CENPU: variants seen among roughly 807,000 people sequenced by gnomAD.
CENPU encodes the protein centromere protein U, also known as KSHV latent nuclear antigen interacting protein 1.
CENPU carries 46 observed loss-of-function variants against 56.7 expected under a neutral mutation model. That is an observed-to-expected ratio of 0.81 (90% CI 0.64 to 1.04). The LOEUF (loss-of-function observed/expected upper bound fraction) is 1.04. CENPU is among the 50% of genes least tolerant of loss of function. The pLI is 0.00. For synonymous variants in CENPU, 166 were observed against 163.0 expected (o/e 1.02, Z -0.14); for missense variants, 510 against 490.1 (o/e 1.04, Z -0.38).
Position 184,728,170 on chromosome 4 carries a change from T to C in CENPU, c.214+748A>G, listed in dbSNP as rs77684182. On this transcript the variant is annotated intron_variant, in intron 3 of 12. Transcript: ENST00000281453. ...TTCCATTTTTAAAATTATGGGGTTT[T>C]AGGTTCAGATCTTTTAGATTTAGAT... Among the ~76,000 whole-genome samples, 330 of 152,346 alleles carry C rather than the reference T, an allele frequency of 2.2e-3. 2 individuals are homozygous for C. Among genetic ancestry groups the C allele is most frequent in the African/African-American group, 7.5e-3 (311 of 41,584 alleles).
chr4:184,699,407 C>T lies in CENPU; in HGVS notation c.986+1413G>A, dbSNP rs549202551. Among the ~76,000 whole-genome samples, 173 of 152,312 alleles carry T rather than the reference C, an allele frequency of 1.1e-3. 2 individuals carry two copies. The highest frequency in any genetic ancestry group is 2.2e-3 in the Non-Finnish European group (150 of 68,028). ...CACCGAAGACAAGTGTAACCAGGCA[C>T]GGCCTGACTGTAGCTATAACCACTT... On this transcript the variant is annotated intron_variant, in intron 11 of 12. Transcript: ENST00000281453.
At chr4:184,731,048 C>G in intron 1 of CENPU, 80 bp from the exon 2 acceptor site, 1 of 881,462 alleles carries the variant, frequency 1.1e-6, no homozygotes, top group Non-Finnish European at 1.6e-6. Context: ...ACCCTTTCCG[C>G]GCATTTTTAC....
At chr4:184,695,909 CAATT>C (rs1340488007) in intron 12 of CENPU, among the ~76,000 whole-genome samples, 1 of 152,130 alleles carries the variant, frequency 6.6e-6, no homozygotes, top group Non-Finnish European at 1.5e-5. Context: ...TTGGGAGAAT[CAATT>C]AAATGTCTCA....
rs1324040981 is a variant in CENPU, at chr4:184,710,127, T to C, written c.742A>G (p.Ile248Val). The C allele has an allele frequency of 6.2e-7, 1 of 1,611,888 alleles. No individual in the cohort carries two copies. The highest frequency in any genetic ancestry group is 1.3e-5 in the African/African-American group (1 of 74,900). ...GGCAAAACAATATTCAACTCCTTGA[T>C]GTCACTGGTTTTCATTCCTTCTGGA... ...WCPEGMKTSDIKELNIVLPEF... is the reference protein window; with the variant it reads ...WCPEGMKTSDVKELNIVLPEF... The change falls in exon 8 of 13, where the codon ATC becomes GTC. Residue 248 changes from isoleucine (I) to valine (V), a missense_variant. Ile to Val is a conservative substitution (Grantham distance 29). Coordinates refer to ENST00000281453, the MANE Select transcript of CENPU (RefSeq NM_024629.4).
intron 7 of CENPU, among the ~76,000 whole-genome samples, chr4:184,711,961 A>G (rs931225565): frequency 6.6e-6 from 1 of 152,034 alleles, no homozygotes; most frequent in Non-Finnish European, 1.5e-5. Flanking sequence ...TCTCTACTAA[A>G]ATACAAAAAA....
chr4:184,717,043 A>G, intron 5 of CENPU, 93 bp downstream of exon 5: 1 of 790,580 alleles, frequency 1.3e-6, no homozygotes. Flanking sequence ...CAATCTAAAG[A>G]GGAAATGAAA....
chr4:184,697,865 T>G lies in CENPU; in HGVS notation c.987-62A>C, dbSNP rs535254403. On this transcript the variant is annotated intron_variant, in intron 11 of 12. Coordinates refer to ENST00000281453, the MANE Select transcript of CENPU (RefSeq NM_024629.4). ...CAGCCTATCGTGGTGAAACTGAGGT[T>G]GTAAGTACGCTGAGCGAGTGTGAAG... is the stretch of plus-strand genomic sequence containing the variant. 2.1e-5 allele frequency: 28 copies of G among 1,352,042 alleles called. No homozygotes were observed. In the East Asian group the frequency reaches 2.1e-4, roughly 10 times the overall value. The allele number at this position is 1,352,042 out of a possible 1,614,324, so 83.8% of individuals were successfully genotyped here.
chr4:184,710,857 T>G (rs1429223359), intron 7 of CENPU, among the ~76,000 whole-genome samples: 4 of 152,120 alleles, frequency 2.6e-5, no homozygotes, highest in African/African-American at 9.7e-5. Context: ...TTTTTTTTCT[T>G]AGAAAAATTT....
chr4:184,707,449 A>G (rs1037065196), intron 8 of CENPU, among the ~76,000 whole-genome samples: 2 of 152,088 alleles, frequency 1.3e-5, no homozygotes, highest in African/African-American at 4.8e-5. Flanking sequence ...GGGCCTAGAG[A>G]AAAACATGGG....
At position 184,723,199 on chromosome 4, in the gene CENPU, T is replaced by C. The variant is rs769945011; in HGVS notation, c.320+1758A>G. The stretch of plus-strand genomic sequence containing the variant: ...TGAGAAAGCTCCATGTGTATTGATA[T>C]GTAAAGATCTCTAAGATGTAGTAAG... On this transcript the variant is annotated intron_variant, in intron 4 of 12. Transcript: ENST00000281453. Among the ~76,000 whole-genome samples, 32 of 152,160 alleles carry C rather than the reference T, an allele frequency of 2.1e-4. 1 individual carries two copies. Among genetic ancestry groups the C allele is most frequent in the Non-Finnish European group, 4.1e-4 (28 of 68,042 alleles).
intron 6 of CENPU, among the ~76,000 whole-genome samples, chr4:184,713,313 C>T (rs928178525): frequency 1.1e-4 from 17 of 152,162 alleles, no homozygotes; most frequent in Non-Finnish European, 4.4e-5. Flanking sequence ...ATTGCTTGAA[C>T]CTGGCGGGAA....
intron 11 of CENPU, chr4:184,699,442 G>A: frequency 1.8e-6 from 1 of 558,444 alleles, no homozygotes; most frequent in Non-Finnish European, 3.0e-6. Context: ...TATCTCATAG[G>A]ACTGTGATGA....
At chr4:184,733,933 C>A in intron 1 of CENPU, 83 bp downstream of exon 1, 1 of 1,584,802 alleles carries the variant, frequency 6.3e-7, no homozygotes, top group South Asian at 1.1e-5. Context: ...ACCAACAGCG[C>A]CGGGAGGCGC....
rs756831202 is a variant in CENPU, at chr4:184,733,996, C to T, written c.47+20G>A. On this transcript the variant is annotated intron_variant, in intron 1 of 12. Transcript: ENST00000281453. ...AAGCTGGTCTCCGGCCCCGCGCTCC[C>T]GAGGGTCGGCAGTACTTACCCCTCA... The T allele has an allele frequency of 1.9e-6, 3 of 1,610,288 alleles. No homozygotes were observed. The highest frequency in any genetic ancestry group is 2.5e-6 in the Non-Finnish European group (3 of 1,179,020).
In CENPU at chr4:184,716,284, T is replaced by C; in HGVS notation, c.618+113A>G. The C allele has an allele frequency of 8.3e-6, 6 of 720,884 alleles. No homozygotes were observed. The South Asian group carries it at 9.6e-5, about 11-fold the overall frequency. The allele number at this position is 720,884 out of a possible 1,614,324, so 44.7% of individuals were successfully genotyped here. On this transcript the variant is annotated intron_variant, in intron 6 of 12. Transcript: ENST00000281453. Reference sequence around the variant, plus strand: ...AACATCTTTATTACATTAAGGAAAATATAAAATTTATCTTTGAAAAGATCT... The same window carrying C: ...AACATCTTTATTACATTAAGGAAAACATAAAATTTATCTTTGAAAAGATCT...
At chr4:184,711,775 C>T (rs1760932668) in intron 7 of CENPU, among the ~76,000 whole-genome samples, 1 of 152,104 alleles carries the variant, frequency 6.6e-6, no homozygotes, top group Admixed American at 6.6e-5. Flanking sequence ...AATTTCACTC[C>T]TTTTCATTTA....
chr4:184,733,536 C>A, intron 1 of CENPU: 1 of 417,868 alleles, frequency 2.4e-6, no homozygotes, highest in Non-Finnish European at 3.3e-6. Flanking sequence ...TCCTGGAGAA[C>A]CGCAAGCGGC....
intron 1 of CENPU, among the ~76,000 whole-genome samples, chr4:184,732,626 A>G (rs867261477): frequency 1.9e-3 from 249 of 130,622 alleles, no homozygotes; most frequent in South Asian, 2.7e-3. Flanking sequence ...CTTGGGGGGG[A>G]AAAAAAGTCA....
chr4:184,697,791 C>T lies in CENPU; in HGVS notation c.999G>A (p.Gln333=), dbSNP rs761667711. 2.5e-6 allele frequency: 4 copies of T among 1,604,436 alleles called. No homozygotes were observed. The highest frequency in any genetic ancestry group is 3.4e-6 in the Non-Finnish European group (4 of 1,177,834). Residue 333 remains glutamine, a synonymous_variant, in exon 12 of 13, where the codon CAG becomes CAA. Transcript: ENST00000281453. The part of the protein sequence containing the change: ...VQDELLRLEP[Q]LKQLQTKYDE... ...CATATTTTGTTTGTAGTTGTTTCAG[C>T]TGTGGCTCTAACCTAAAACAAAAAT...
Sources: gnomAD v4.1 joint callset for allele counts (sites outside exome capture counted in the v4.1 genomes callset) on GRCh38, gnomAD v4.1.1 for gene constraint, MANE v1.5 for transcripts, NCBI Gene and HGNC (gene_info 2026-07-23, HGNC 2026-07-21) for gene names.